Variants in DTNA observed in about 807,000 individuals in gnomAD.
The protein encoded by DTNA is dystrophin-related protein 3.
DTNA carries 43 observed loss-of-function variants against 100.7 expected under a neutral mutation model. The observed-to-expected ratio is 0.43, with a 90% CI of 0.33 to 0.55. DTNA has a LOEUF of 0.55. Among genes scored for constraint, DTNA ranks in the 20% least tolerant of loss-of-function variants. The pLI, the probability that DTNA is intolerant of heterozygous loss-of-function variation, is 0.04. For missense variants in DTNA, 798 were observed against 953.9 expected (o/e 0.84, Z 2.15); for synonymous variants, 349 against 347.9 (o/e 1.00, Z -0.04).
chr18:34,849,817 G>A (rs2096449287), intron 14 of DTNA, among the ~76,000 whole-genome samples: 1 of 152,212 alleles, frequency 6.6e-6, no homozygotes, highest in Non-Finnish European at 1.5e-5. Context: ...TTCGGACAGG[G>A]CAAGTGTGTG....
intron 1 of DTNA, among the ~76,000 whole-genome samples, chr18:34,700,626 G>A (rs960111157): frequency 6.6e-6 from 1 of 152,208 alleles, no homozygotes; most frequent in African/African-American, 2.4e-5. Context: ...CTATGTAGCT[G>A]AGCTTTGTTG....
At chr18:34,543,424 G>T (rs1412417305) in intron 1 of DTNA, among the ~76,000 whole-genome samples, 1 of 152,074 alleles carries the variant, frequency 6.6e-6, no homozygotes, top group African/African-American at 2.4e-5. Context: ...ACAGCTGAAA[G>T]TTCATACAGC....
intron 1 of DTNA, among the ~76,000 whole-genome samples, chr18:34,731,623 T>G (rs569277820): frequency 5.6e-4 from 85 of 152,380 alleles, no homozygotes; most frequent in African/African-American, 2.0e-3. Context: ...GTGTTTGCAG[T>G]AACTGTACTT....
chr18:34,560,500 A>G (rs1221922628), intron 1 of DTNA, among the ~76,000 whole-genome samples: 1 of 152,214 alleles, frequency 6.6e-6, no homozygotes, highest in Non-Finnish European at 1.5e-5. Flanking sequence ...CACATAGTTT[A>G]CTCAATTATT....
chr18:34,854,407 T>C (rs901432730), intron 15 of DTNA, among the ~76,000 whole-genome samples: 1 of 152,160 alleles, frequency 6.6e-6, no homozygotes, highest in African/African-American at 2.4e-5. Flanking sequence ...CAATAATATA[T>C]GGTGGAAAGG....
At chr18:34,514,198 A>G (rs1601338563) in intron 1 of DTNA, among the ~76,000 whole-genome samples, 1 of 152,006 alleles carries the variant, frequency 6.6e-6, no homozygotes, top group East Asian at 1.9e-4. Context: ...ATTCCACATC[A>G]GCTCTTTGTG....
intron 1 of DTNA, among the ~76,000 whole-genome samples, chr18:34,558,595 T>TA (rs915050549): frequency 6.6e-6 from 1 of 152,102 alleles, no homozygotes. Flanking sequence ...GTGATGCAAA[T>TA]AAAAAATAAA....
At chr18:34,820,686 A>G (rs2095692585) in intron 8 of DTNA, 105 bp from the exon 9 acceptor site, 2 of 1,560,682 alleles carry the variant, frequency 1.3e-6, no homozygotes, top group East Asian at 2.3e-5. Flanking sequence ...GCACTGAAAA[A>G]GGATTTCTTC....
rs184162817 is a variant in DTNA at position 34,758,323 on chromosome 18, G to T, written c.67+2280G>T. Among the ~76,000 whole-genome samples the T allele has an allele frequency of 2.2e-3, 330 of 152,254 alleles. 2 individuals carry two copies. The highest frequency in any genetic ancestry group is 7.7e-3 in the African/African-American group (320 of 41,570). On this transcript the variant is annotated intron_variant, in intron 2 of 22. Transcript: ENST00000444659. Reference sequence around the variant, plus strand: ...AATATTTAAAGAAAAAACAACAAAAGAAAGTGCCAATGAGATTCTTTGCTT... The same window carrying T: ...AATATTTAAAGAAAAAACAACAAAATAAAGTGCCAATGAGATTCTTTGCTT...
At chr18:34,591,556 G>A (rs9807494) in intron 1 of DTNA, among the ~76,000 whole-genome samples, 15,665 of 152,148 alleles carry the variant, frequency 0.1, 1,171 homozygotes, top group African/African-American at 0.21. Flanking sequence ...TTGTGTTTTG[G>A]CACCATCCAT....
chr18:34,686,418 T>A (rs1407082743), intron 1 of DTNA, among the ~76,000 whole-genome samples: 2 of 152,180 alleles, frequency 1.3e-5, no homozygotes, highest in Non-Finnish European at 2.9e-5. Context: ...TGTCATTGGT[T>A]CTGTTTATGT....
intron 1 of DTNA, among the ~76,000 whole-genome samples, chr18:34,521,715 G>A (rs375834263): frequency 4.3e-4 from 65 of 152,010 alleles, no homozygotes; most frequent in African/African-American, 9.7e-4. Flanking sequence ...ACATCTCCGC[G>A]GCTTACTCTC....
At chr18:34,706,375 A>T (rs1331729634), upstream of DTNA, among the ~76,000 whole-genome samples, 1 of 152,214 alleles carries the variant, frequency 6.6e-6, no homozygotes, top group African/African-American at 2.4e-5. Flanking sequence ...TCTACAATGG[A>T]CATGTAACAT....
chr18:34,820,622 G>T lies in DTNA; in HGVS notation c.877-169G>T, dbSNP rs1790540. On this transcript the variant is annotated intron_variant, in intron 8 of 22. Coordinates refer to ENST00000444659, the MANE Select transcript of DTNA (RefSeq NM_001386795.1). Reference sequence around the variant, plus strand: ...TGCTGACACTGAGCAGCAGGAGGCAGCTTGTTCGGAAACTCTTTTCCGAGC... The same window carrying T: ...TGCTGACACTGAGCAGCAGGAGGCATCTTGTTCGGAAACTCTTTTCCGAGC... Among the ~76,000 whole-genome samples the T allele has an allele frequency of 0.14, 21,441 of 152,222 alleles. 1,766 individuals are homozygous for T. The highest frequency in any genetic ancestry group is 0.23 in the African/African-American group (9,473 of 41,520).
chr18:34,795,000 T>A (rs967045113), intron 4 of DTNA, among the ~76,000 whole-genome samples: 12 of 152,358 alleles, frequency 7.9e-5, no homozygotes, highest in African/African-American at 2.6e-4. Flanking sequence ...CCAAGGTATA[T>A]GTGGATTCCC....
chr18:34,867,224 A>G (rs778560683), intron 17 of DTNA: 328 of 1,231,324 alleles, frequency 2.7e-4, no homozygotes, highest in Non-Finnish European at 3.1e-4. Flanking sequence ...GTGTGTAACA[A>G]AGAATGTTTG....
At chr18:34,506,088 G>A (rs911828773) in intron 1 of DTNA, among the ~76,000 whole-genome samples, 9 of 152,182 alleles carry the variant, frequency 5.9e-5, no homozygotes, top group African/African-American at 1.7e-4. Context: ...GGCAAAGTGG[G>A]TCTTCACTGA....
chr18:34,600,240 T>C (rs2051505014), intron 1 of DTNA, among the ~76,000 whole-genome samples: 1 of 152,138 alleles, frequency 6.6e-6, no homozygotes, highest in Non-Finnish European at 1.5e-5. Flanking sequence ...AATTAAATCT[T>C]AATATAAAAT....
At chr18:34,768,304 GC>G (rs964469775) in intron 3 of DTNA, among the ~76,000 whole-genome samples, 6 of 140,390 alleles carry the variant, frequency 4.3e-5, no homozygotes, top group East Asian at 2.1e-4. Flanking sequence ...AAGAAGGAAC[GC>G]CCCCCCAAAA....
Sources: gnomAD v4.1 joint callset for allele counts (sites outside exome capture counted in the v4.1 genomes callset) on GRCh38, gnomAD v4.1.1 for gene constraint, MANE v1.5 for transcripts, NCBI Gene and HGNC (gene_info 2026-07-23, HGNC 2026-07-21) for gene names.